METTL8: variants seen among roughly 807,000 people sequenced by gnomAD.
The protein encoded by METTL8 is tRNA N(3)-cytidine methyltransferase METTL8, mitochondrial.
In METTL8, 32 loss-of-function variants were observed where a neutral mutation model predicts 48.7. The ratio of observed to expected loss-of-function variants is 0.66; its 90% CI spans 0.50 to 0.88. METTL8 has a LOEUF of 0.88. METTL8 is among the 40% of genes least tolerant of loss of function. METTL8 has a pLI of 0.00. For missense variants in METTL8, 464 were observed against 474.4 expected, an observed-to-expected ratio of 0.98 and a Z score of 0.20; for synonymous variants, 136 against 157.1, an observed-to-expected ratio of 0.87 and a Z score of 1.01.
At chr2:171,434,422 G>T, upstream of METTL8, 1 of 1,308,622 alleles carries the variant, frequency 7.6e-7, no homozygotes, top group Non-Finnish European at 1.1e-6. Flanking sequence ...CCCCGCCGTC[G>T]GGTGCTCCCT....
chr2:171,427,256 T>C (rs1286169092), intron 1 of METTL8, among the ~76,000 whole-genome samples: 1 of 152,174 alleles, frequency 6.6e-6, no homozygotes, highest in Non-Finnish European at 1.5e-5. Flanking sequence ...ACCACTCTAG[T>C]CCAAAACACT....
chr2:171,331,928 C>A, intron 5 of METTL8, 61 bp from the exon 6 acceptor site: 1 of 1,273,924 alleles, frequency 7.8e-7, no homozygotes, highest in South Asian at 1.3e-5. Flanking sequence ...CGCTGTTGCC[C>A]AGGTTGGAGT....
intron 1 of METTL8, among the ~76,000 whole-genome samples, chr2:171,401,505 T>C (rs1019581903): frequency 2.0e-5 from 3 of 152,136 alleles, no homozygotes; most frequent in Non-Finnish European, 4.4e-5. Flanking sequence ...AGCTTCAAAA[T>C]GGGAATTTCA....
intron 1 of METTL8, among the ~76,000 whole-genome samples, chr2:171,411,358 G>T (rs1046551533): frequency 6.6e-6 from 1 of 152,214 alleles, no homozygotes; most frequent in Non-Finnish European, 1.5e-5. Context: ...CAGGGAGAAA[G>T]AGTGATGTGA....
chr2:171,339,255 C>T lies in METTL8; in HGVS notation c.535G>A (p.Glu179Lys), dbSNP rs776123567. ...TCCATAGGTCCTTTTTTGTGTTTTT[C>T]AGAGTCTAGGTTGGAAAAATCAGAT... ...TESDFSNLDSEKHKKGPMETG... is the reference protein window; with the variant it reads ...TESDFSNLDSKKHKKGPMETG... The change falls in exon 4 of 10, where the codon GAA becomes AAA. Residue 179 changes from glutamate (E) to lysine (K), a missense_variant. Transcript: ENST00000375258. 5.6e-6 allele frequency: 9 copies of T among 1,603,970 alleles called. No homozygotes were observed. The Admixed American group carries it at 6.9e-5, about 12-fold the overall frequency.
chr2:171,359,635 A>G (rs1004322175), intron 3 of METTL8, among the ~76,000 whole-genome samples: 1 of 151,090 alleles, frequency 6.6e-6, no homozygotes, highest in Non-Finnish European at 1.5e-5. Flanking sequence ...TTTTTTTTAG[A>G]CGGAGTCTCG....
chr2:171,421,308 C>T (rs544870299), intron 1 of METTL8, among the ~76,000 whole-genome samples: 4 of 152,212 alleles, frequency 2.6e-5, no homozygotes, highest in African/African-American at 9.6e-5. Flanking sequence ...GGCACAGTGG[C>T]ACCACTTGTA....
intron 3 of METTL8, among the ~76,000 whole-genome samples, chr2:171,348,472 T>C (rs1339242960): frequency 1.3e-5 from 2 of 152,202 alleles, no homozygotes; most frequent in East Asian, 1.9e-4. Context: ...ACTAGTTTGC[T>C]GACCCTTGCT....
At chr2:171,363,218 A>ATT (rs942369889) in intron 2 of METTL8, among the ~76,000 whole-genome samples, 3 of 145,436 alleles carry the variant, frequency 2.1e-5, no homozygotes, top group Non-Finnish European at 3.0e-5. Flanking sequence ...TGCAGAACAG[A>ATT]TTTTTTTTTT....
chr2:171,339,407 GA>G lies in METTL8; in HGVS notation c.382del (p.Ser128HisfsTer6), dbSNP rs1559068073. The G allele has an allele frequency of 6.2e-7, 1 of 1,613,640 alleles. No individual in the cohort carries two copies. The highest frequency in any genetic ancestry group is 8.5e-7 in the Non-Finnish European group (1 of 1,179,760). Reference sequence around the variant, plus strand: ...ACTAGTTTTTACATGATCCCATGATGATTCTCTCGCCTTCTCTTCAGGTTTT... The same window carrying G: ...ACTAGTTTTTACATGATCCCATGATGTTCTCTCGCCTTCTCTTCAGGTTTT... Reference protein sequence around the residue: ...DQKPEEKARESSWDHVKTSAT... With the variant: ...DQKPEEKAREXSWDHVKTSAT... On this transcript the variant is annotated frameshift_variant, in exon 4 of 10. Coordinates refer to ENST00000375258, the MANE Select transcript of METTL8 (RefSeq NM_001321154.2). LOFTEE classifies it high-confidence loss of function.
At chr2:171,369,425 CA>C (rs1424864676) in intron 2 of METTL8, among the ~76,000 whole-genome samples, 2 of 152,184 alleles carry the variant, frequency 1.3e-5, no homozygotes, top group Non-Finnish European at 2.9e-5. Context: ...TTATGGCAGA[CA>C]TTATAAAGAG....
intron 3 of METTL8, among the ~76,000 whole-genome samples, chr2:171,353,177 C>G (rs79203124): frequency 6.6e-6 from 1 of 152,106 alleles, no homozygotes; most frequent in African/African-American, 2.4e-5. Flanking sequence ...TATCTTTGTT[C>G]TCATTGGTTT....
intron 1 of METTL8, among the ~76,000 whole-genome samples, chr2:171,409,350 C>G (rs903205460): frequency 2.0e-5 from 3 of 151,986 alleles, no homozygotes; most frequent in African/African-American, 7.3e-5. Flanking sequence ...GGAAACATTT[C>G]TAAGGGGCAC....
chr2:171,371,141 G>C (rs944176758), intron 2 of METTL8, among the ~76,000 whole-genome samples: 1 of 152,066 alleles, frequency 6.6e-6, no homozygotes, highest in African/African-American at 2.4e-5. Flanking sequence ...GATGTTAATA[G>C]GTAAATAAAA....
chr2:171,342,780 T>C (rs1325163826), intron 3 of METTL8, among the ~76,000 whole-genome samples: 1 of 152,198 alleles, frequency 6.6e-6, no homozygotes, highest in African/African-American at 2.4e-5. Flanking sequence ...TACCAGTAAC[T>C]AGAATGTACT....
At chr2:171,384,277 GC>G (rs1467797047) in intron 2 of METTL8, among the ~76,000 whole-genome samples, 1 of 152,182 alleles carries the variant, frequency 6.6e-6, no homozygotes, top group African/African-American at 2.4e-5. Flanking sequence ...GGAGGCTGAG[GC>G]AGGTGGATCA....
intron 1 of METTL8, among the ~76,000 whole-genome samples, chr2:171,420,876 G>A (rs1691800568): frequency 6.6e-6 from 1 of 152,328 alleles, no homozygotes; most frequent in Non-Finnish European, 1.5e-5. Context: ...TTTAGTGACT[G>A]TGAAATGGAA....
Position 171,430,996 on chromosome 2 carries a change from G to A in METTL8, c.-13+2887C>T, listed in dbSNP as rs115381359. ...ACTTCCCCATTCTGAGCCCATAAAA[G>A]CCCCAGACCCAGCCATGCCAGAAGA... is the stretch of plus-strand genomic sequence containing the variant. On this transcript the variant is annotated intron_variant, in intron 1 of 9. Transcript: ENST00000375258. 4.9e-4 allele frequency among the ~76,000 whole-genome samples: 75 copies of A among 152,198 alleles called. 1 individual carries two copies. Among genetic ancestry groups the A allele is most frequent in the African/African-American group, 1.8e-3 (74 of 41,534 alleles).
At chr2:171,434,613 G>A (rs1162394966), upstream of METTL8, 2 of 1,529,746 alleles carry the variant, frequency 1.3e-6, no homozygotes, top group East Asian at 2.5e-5. Flanking sequence ...TGTGCAGCCG[G>A]CTGAGTCGCC....
Sources: gnomAD v4.1 joint callset for allele counts (sites outside exome capture counted in the v4.1 genomes callset) on GRCh38, gnomAD v4.1.1 for gene constraint, MANE v1.5 for transcripts, NCBI Gene and HGNC (gene_info 2026-07-23, HGNC 2026-07-21) for gene names.